The following ZFHX3 variants were observed in gnomAD, a reference collection of about 807,000 sequenced individuals.
ZFHX3 encodes zinc finger homeobox 3.
ZFHX3 carries 42 observed loss-of-function variants against 279.1 expected under a neutral mutation model. The ratio of observed to expected loss-of-function variants is 0.15; its 90% CI spans 0.12 to 0.19. The LOEUF is 0.19. Ranked by LOEUF, ZFHX3 falls within the 10% of genes least tolerant of loss-of-function variation. ZFHX3 has a pLI of 1.00. For missense variants in ZFHX3, 4,981 were observed against 4,754.0 expected (o/e 1.05, Z -1.40); for synonymous variants, 2,293 against 1,957.8 (o/e 1.17, Z -4.52).
chr16:72,997,664 T>C (rs1032334173), intron 1 of ZFHX3, among the ~76,000 whole-genome samples: 2 of 152,230 alleles, frequency 1.3e-5, no homozygotes, highest in African/African-American at 4.8e-5. Context: ...CAAAGTTCAC[T>C]GGCCAGAATC....
chr16:73,705,328 T>A (rs1597074475), intron 1 of ZFHX3, among the ~76,000 whole-genome samples: 1 of 151,714 alleles, frequency 6.6e-6, no homozygotes, highest in Admixed American at 6.6e-5. Flanking sequence ...GTTGCAGGAG[T>A]CTCCCAATGC....
rs1272465332 is a variant in ZFHX3, at chr16:72,797,321, C to G, written c.5361G>C (p.Leu1787=). ...GGTGCTGCTGCTGCTGTAGTTGCAG[C>G]AGGGTCTCAGTTGTCATGGGGAAGT... The part of the protein sequence containing the change: ...LPHFPMTTET[L]LQLQQQQHLL... Residue 1787 remains leucine (L), a synonymous_variant, in exon 9 of 10, where the codon CTG becomes CTC. Coordinates refer to ENST00000268489, the MANE Select transcript of ZFHX3 (RefSeq NM_006885.4). 3.1e-5 allele frequency: 50 copies of G among 1,603,688 alleles called. No individual in the cohort carries two copies. Among genetic ancestry groups the G allele is most frequent in the African/African-American group, 6.7e-5 (5 of 74,682 alleles).
chr16:73,008,136 G>C (rs975532716), intron 1 of ZFHX3, among the ~76,000 whole-genome samples: 1 of 152,010 alleles, frequency 6.6e-6, no homozygotes, highest in African/African-American at 2.4e-5. Flanking sequence ...CTTTAGGCTT[G>C]TTTTATGCTT....
intron 1 of ZFHX3, among the ~76,000 whole-genome samples, chr16:73,717,716 G>C (rs1194706035): frequency 6.6e-6 from 1 of 152,180 alleles, no homozygotes; most frequent in South Asian, 2.1e-4. Context: ...CCTTGTTTGA[G>C]GCTTAGAAGA....
chr16:73,623,236 C>T (rs958744916), intron 2 of ZFHX3, among the ~76,000 whole-genome samples: 1 of 152,084 alleles, frequency 6.6e-6, no homozygotes, highest in Non-Finnish European at 1.5e-5. Context: ...CGGAGTTTCA[C>T]CATGTTAGCA....
intron 2 of ZFHX3, among the ~76,000 whole-genome samples, chr16:72,956,842 A>AC (rs1961273947): frequency 2.0e-5 from 3 of 151,580 alleles, no homozygotes; most frequent in African/African-American, 7.3e-5. Flanking sequence ...AAAAAAAAAA[A>AC]CATCTCTTTC....
At position 72,794,384 on chromosome 16, in the gene ZFHX3, G is replaced by A. The variant is rs139575411; in HGVS notation, c.8298C>T (p.Asp2766=). The change falls in exon 9 of 10, where the codon GAC becomes GAT. Residue 2766 remains aspartate, a synonymous_variant. Coordinates refer to ENST00000268489, the MANE Select transcript of ZFHX3 (RefSeq NM_006885.4). The surrounding 1 kb of genome is among the most constrained non-coding windows in gnomAD (Gnocchi z 4.2). ...GGGGTAGGTGGGAAAAGCTAGTTCC[G>A]TCAAAAATATCTCCTTTCATCTGGA... The part of the protein sequence containing the change: ...GGLQMKGDIF[D]GTSFSHLPPS... 233 of 1,604,676 alleles carry A rather than the reference G, an allele frequency of 1.5e-4. No individual in the cohort carries two copies. Among genetic ancestry groups the A allele is most frequent in the Admixed American group, 7.1e-4 (42 of 59,270 alleles).
intron 4 of ZFHX3, among the ~76,000 whole-genome samples, chr16:72,832,743 T>A (rs2037093130): frequency 7.1e-6 from 1 of 140,126 alleles, no homozygotes. Context: ...GGTGTCGCCC[T>A]CCGCATGGCG....
chr16:72,970,159 G>A (rs375775622), intron 1 of ZFHX3, among the ~76,000 whole-genome samples: 66 of 152,040 alleles, frequency 4.3e-4, no homozygotes, highest in Non-Finnish European at 5.9e-4. Flanking sequence ...TCGTGACAGC[G>A]GAGGCAGGTC....
chr16:73,250,603 G>A (rs1201929632), intron 5 of ZFHX3, among the ~76,000 whole-genome samples: 1 of 152,078 alleles, frequency 6.6e-6, no homozygotes, highest in Non-Finnish European at 1.5e-5. Flanking sequence ...GTGCGATCTT[G>A]GCTCACTGCA....
intron 3 of ZFHX3, among the ~76,000 whole-genome samples, chr16:73,364,952 G>A (rs574065121): frequency 9.3e-4 from 142 of 152,232 alleles, no homozygotes; most frequent in African/African-American, 3.3e-3. Flanking sequence ...GACACACGTC[G>A]CCTCCACCCC....
chr16:73,419,721 C>T (rs559543566), intron 3 of ZFHX3, among the ~76,000 whole-genome samples: 1 of 151,962 alleles, frequency 6.6e-6, no homozygotes, highest in South Asian at 2.1e-4. Context: ...TAGCTGGGAT[C>T]ATAGGTGCGC....
chr16:73,378,368 G>C (rs1463665672), intron 3 of ZFHX3, among the ~76,000 whole-genome samples: 1 of 152,042 alleles, frequency 6.6e-6, no homozygotes, highest in African/African-American at 2.4e-5. Context: ...GGCCCTTTAA[G>C]GTTTTTCTTT....
chr16:73,403,197 G>A (rs780611216), intron 3 of ZFHX3, among the ~76,000 whole-genome samples: 9 of 152,188 alleles, frequency 5.9e-5, no homozygotes, highest in Non-Finnish European at 1.0e-4. Flanking sequence ...ATTTATATCC[G>A]TTGCAGTAAT....
intron 3 of ZFHX3, among the ~76,000 whole-genome samples, chr16:73,449,250 T>G (rs1008256950): frequency 6.6e-6 from 1 of 152,262 alleles, no homozygotes; most frequent in African/African-American, 2.4e-5. Context: ...TATTCTTGTG[T>G]GTTTATTTTT....
At chr16:73,308,670 T>A (rs1352458325) in intron 4 of ZFHX3, among the ~76,000 whole-genome samples, 1 of 152,124 alleles carries the variant, frequency 6.6e-6, no homozygotes, top group Non-Finnish European at 1.5e-5. Context: ...CTTGATTAAG[T>A]AGTGTTACAA....
chr16:72,788,724 T>C lies in ZFHX3; in HGVS notation c.9552A>G (p.Ala3184=), dbSNP rs745993333. 6.2e-7 allele frequency: 1 copy of C among 1,606,938 alleles called. No homozygotes were observed. The highest frequency in any genetic ancestry group is 1.3e-5 in the African/African-American group (1 of 74,614). Reference sequence around the variant, plus strand: ...GAGGGCCCATCGCCATCGTGGCTTGTGCTGGGGTTGGGGAGCTCAGCGACG... The same window carrying C: ...GAGGGCCCATCGCCATCGTGGCTTGCGCTGGGGTTGGGGAGCTCAGCGACG... ...SSASLSSPTP[A]QATMAMGPQQ... is the part of the protein sequence containing the mutation. Residue 3184 remains alanine (A), a synonymous_variant, in exon 10 of 10, where the codon GCA becomes GCG. Coordinates refer to ENST00000268489, the MANE Select transcript of ZFHX3 (RefSeq NM_006885.4).
intron 5 of ZFHX3, among the ~76,000 whole-genome samples, chr16:73,193,060 T>C (rs1161140237): frequency 6.6e-6 from 1 of 152,212 alleles, no homozygotes; most frequent in East Asian, 1.9e-4. Context: ...TGATGCCTCC[T>C]ACAGGCTCAC....
At chr16:73,712,676 A>T (rs1238931748) in intron 1 of ZFHX3, among the ~76,000 whole-genome samples, 1 of 152,106 alleles carries the variant, frequency 6.6e-6, no homozygotes, top group Non-Finnish European at 1.5e-5. Context: ...TGTGGAGCAT[A>T]TTCTCTCCAC....
Sources: gnomAD v4.1 joint callset for allele counts (sites outside exome capture counted in the v4.1 genomes callset) on GRCh38, gnomAD v4.1.1 for gene constraint, Gnocchi (gnomAD v3.1) non-coding constraint, MANE v1.5 for transcripts, NCBI Gene and HGNC (gene_info 2026-07-23, HGNC 2026-07-21) for gene names.